Variants in NSD2 observed in about 807,000 individuals in gnomAD.
The protein encoded by NSD2 is nuclear receptor binding SET domain protein 2.
A neutral mutation model predicts 139.0 loss-of-function variants in NSD2; 12 were observed. The ratio of observed to expected loss-of-function variants is 0.09; its 90% CI spans 0.06 to 0.14. The LOEUF (loss-of-function observed/expected upper bound fraction) is 0.14. Ranked by LOEUF, NSD2 falls within the 10% of genes least tolerant of loss-of-function variation. The pLI is 1.00. For synonymous variants in NSD2, 669 were observed against 648.7 expected (o/e 1.03, Z -0.48); for missense variants, 1,155 against 1,745.0 (o/e 0.66, Z 6.02).
In NSD2 at chr4:1,902,367, G is replaced by A. The variant is rs534860310; in HGVS notation, c.597+1116G>A. ...ACCCTCCTGAGTAGTTGGACCACAG[G>A]TGTGCACCACTATATGCCCAGTTAA... On this transcript the variant is annotated intron_variant, in intron 2 of 21. Coordinates refer to ENST00000508803, the MANE Select transcript of NSD2 (RefSeq NM_001042424.3). Among the ~76,000 whole-genome samples the A allele has an allele frequency of 1.1e-3, 161 of 152,254 alleles. 1 individual carries two copies. Among genetic ancestry groups the A allele is most frequent in the Non-Finnish European group, 6.2e-4 (42 of 68,014 alleles).
At chr4:1,890,670 C>T (rs760014428) in intron 1 of NSD2, among the ~76,000 whole-genome samples, 21 of 151,602 alleles carry the variant, frequency 1.4e-4, no homozygotes, top group African/African-American at 2.9e-4. Flanking sequence ...GGCATGATCT[C>T]GGCTCACTGC....
chr4:1,951,915 T>A, intron 10 of NSD2, 193 bp from the exon 11 acceptor site: 1 of 838,140 alleles, frequency 1.2e-6, no homozygotes, highest in Non-Finnish European at 1.7e-6. Context: ...GTAACAGTCA[T>A]CTGGTTTTAA....
At chr4:1,971,588 T>A (rs1197745285) in intron 18 of NSD2, among the ~76,000 whole-genome samples, 1 of 152,126 alleles carries the variant, frequency 6.6e-6, no homozygotes, top group Non-Finnish European at 1.5e-5. Context: ...AATAGTGCCG[T>A]GTACTTTTCA....
chr4:1,978,791 A>C lies in NSD2; in HGVS notation c.3980A>C (p.Asp1327Ala). ...GGGCGGTCCTACTGCTGTGAGCATG[A>C]CTTAGGGGCGGCATCGGTCAGAAGC... Reference protein sequence around the residue: ...PDGRSYCCEHDLGAASVRSTK... With the variant: ...PDGRSYCCEHALGAASVRSTK... Residue 1327 changes from aspartate (D) to alanine (A), a missense_variant, in exon 22 of 22, where the codon GAC (aspartate) becomes GCC (alanine). Physicochemically the swap from Asp to Ala is moderately radical, Grantham distance 126 (BLOSUM62 -2). Transcript: ENST00000508803. 1 of 1,613,372 alleles carries C rather than the reference A, an allele frequency of 6.2e-7. No individual in the cohort carries two copies. Among genetic ancestry groups the C allele is most frequent in the Non-Finnish European group, 8.5e-7 (1 of 1,179,488 alleles).
At chr4:1,971,409 G>T (rs532808382) in intron 18 of NSD2, among the ~76,000 whole-genome samples, 1 of 152,044 alleles carries the variant, frequency 6.6e-6, no homozygotes, top group Non-Finnish European at 1.5e-5. Flanking sequence ...TACAGCTGAC[G>T]GTGAGTTCAC....
intron 1 of NSD2, among the ~76,000 whole-genome samples, chr4:1,888,649 C>T (rs768111126): frequency 1.3e-5 from 2 of 151,970 alleles, no homozygotes; most frequent in Non-Finnish European, 2.9e-5. Flanking sequence ...ACTGCGGCCT[C>T]CACCTCCAGG....
rs202228817 is a variant in NSD2, at chr4:1,976,439, T to G, written c.3622-36T>G. On this transcript the variant is annotated intron_variant, in intron 20 of 21. Transcript: ENST00000508803. The surrounding 1 kb of genome is among the most constrained non-coding windows in gnomAD (Gnocchi z 5.3). ...CCCTATTTGCTTCAGCCTGTGTAATTCTTTCCGGTGATCTGTGCTTAATTC... is the reference window on the plus strand; with the variant it reads ...CCCTATTTGCTTCAGCCTGTGTAATGCTTTCCGGTGATCTGTGCTTAATTC... 5 of 1,600,436 alleles carry G rather than the reference T, an allele frequency of 3.1e-6. No individual in the cohort carries two copies. The East Asian group carries it at 6.7e-5, about 22-fold the overall frequency.
rs754314502 is a variant in NSD2, at chr4:1,901,117, G to A, written c.463G>A (p.Glu155Lys). The A allele has an allele frequency of 6.2e-7, 1 of 1,614,176 alleles. No individual in the cohort carries two copies. ...CAGTGCTGCTGATGTGTCTCAGTCA[G>A]AAGAAAATGGACAAAAACCAGAAAA... Reference protein sequence around the residue: ...GDSAADVSQSEENGQKPENKA... With the variant: ...GDSAADVSQSKENGQKPENKA... The change falls in exon 2 of 22, where the codon GAA becomes AAA. Residue 155 changes from glutamate (E) to lysine (K), a missense_variant. By Grantham distance (56) the Glu-to-Lys change is moderately conservative. Coordinates refer to ENST00000508803, the MANE Select transcript of NSD2 (RefSeq NM_001042424.3).
Position 1,951,110 on chromosome 4 carries a change from A to G in NSD2, c.1920A>G (p.Pro640=), listed in dbSNP as rs1051734024. The G allele has an allele frequency of 1.2e-6, 2 of 1,614,076 alleles. No individual in the cohort carries two copies. Among genetic ancestry groups the G allele is most frequent in the South Asian group, 1.1e-5 (1 of 91,090 alleles). ...CGGGAGACGAGCCCTCGGAGTCCCC[A>G]TACGAAAGTGCAGACGAAACACAAA... is the stretch of plus-strand genomic sequence containing the variant. ...DSPGDEPSES[P]YESADETQTE... The change falls in exon 10 of 22, where the codon CCA becomes CCG. Residue 640 remains proline, a synonymous_variant. Coordinates refer to ENST00000508803, the MANE Select transcript of NSD2 (RefSeq NM_001042424.3).
At chr4:1,878,553 T>A (rs980759730) in intron 1 of NSD2, among the ~76,000 whole-genome samples, 2 of 152,098 alleles carry the variant, frequency 1.3e-5, no homozygotes, top group Admixed American at 1.3e-4. Context: ...TTCCTTTTGC[T>A]TGGCTTGCTG....
chr4:1,915,016 C>G (rs1395885220), intron 3 of NSD2, among the ~76,000 whole-genome samples: 1 of 151,746 alleles, frequency 6.6e-6, no homozygotes, highest in Non-Finnish European at 1.5e-5. Flanking sequence ...TTACAGGTTG[C>G]TATGGAAATA....
At chr4:1,898,654 C>T (rs189948230) in intron 1 of NSD2, among the ~76,000 whole-genome samples, 4 of 142,036 alleles carry the variant, frequency 2.8e-5, no homozygotes, top group Non-Finnish European at 1.5e-5. Flanking sequence ...AGCGAGACTC[C>T]GTCTAAAAAA....
chr4:1,949,167 G>C (rs541513669), intron 9 of NSD2, among the ~76,000 whole-genome samples: 2 of 152,336 alleles, frequency 1.3e-5, no homozygotes, highest in South Asian at 4.1e-4. Flanking sequence ...TTAAATTGGA[G>C]GTTTGAACTC....
intron 15 of NSD2, among the ~76,000 whole-genome samples, chr4:1,957,288 G>GTTTT (rs201986259): frequency 4.2e-5 from 6 of 141,340 alleles, no homozygotes; most frequent in African/African-American, 1.6e-4. Context: ...TTTTGTTTTT[G>GTTTT]TTTTTTTTTT....
intron 6 of NSD2, among the ~76,000 whole-genome samples, chr4:1,933,593 A>G (rs1029401220): frequency 4.0e-5 from 6 of 150,258 alleles, no homozygotes; most frequent in Non-Finnish European, 8.9e-5. Context: ...ACGGGGTTTC[A>G]CTCTGTTAGC....
intron 5 of NSD2, among the ~76,000 whole-genome samples, chr4:1,920,878 AT>A (rs1167095987): frequency 1.3e-5 from 2 of 151,096 alleles, no homozygotes; most frequent in Admixed American, 6.7e-5. Flanking sequence ...AAAAAAAAAA[AT>A]TTTTTTTAAT....
intron 1 of NSD2, among the ~76,000 whole-genome samples, chr4:1,898,285 C>G (rs182308802): frequency 2.8e-3 from 427 of 152,318 alleles, no homozygotes; most frequent in Non-Finnish European, 4.1e-3. Flanking sequence ...TGGGCTCTCA[C>G]TGTCTTGCCC....
At chr4:1,968,231 T>C (rs1293214836) in intron 18 of NSD2, among the ~76,000 whole-genome samples, 1 of 152,198 alleles carries the variant, frequency 6.6e-6, no homozygotes, top group Non-Finnish European at 1.5e-5. Flanking sequence ...AAATGTGAGA[T>C]CCAAGAAGTA....
intron 3 of NSD2, among the ~76,000 whole-genome samples, chr4:1,914,227 C>A (rs4865478): frequency 8.6e-5 from 13 of 151,810 alleles, no homozygotes; most frequent in African/African-American, 3.1e-4. Flanking sequence ...TTTGCTATGT[C>A]GGCCAGGCTG....
Sources: gnomAD v4.1 joint callset for allele counts (sites outside exome capture counted in the v4.1 genomes callset) on GRCh38, gnomAD v4.1.1 for gene constraint, Gnocchi (gnomAD v3.1) non-coding constraint, MANE v1.5 for transcripts, NCBI Gene and HGNC (gene_info 2026-07-23, HGNC 2026-07-21) for gene names.